CDH13: variants seen among roughly 807,000 people sequenced by gnomAD.
CDH13 encodes the protein cadherin-13.
CDH13 carries 24 observed loss-of-function variants against 63.8 expected under a neutral mutation model. The observed-to-expected ratio is 0.38, with a 90% CI of 0.27 to 0.53. The LOEUF (loss-of-function observed/expected upper bound fraction) is 0.53. CDH13 is among the 20% of genes least tolerant of loss of function. The probability of loss-of-function intolerance (pLI) is 0.85; values close to 1 mark genes in which losing one functional copy is unlikely to be tolerated. For missense variants in CDH13, 1,049 were observed against 903.1 expected (o/e 1.16, Z -2.07); for synonymous variants, 503 against 355.3 (o/e 1.42, Z -4.67).
At chr16:82,817,509 A>T (rs2037779566) in intron 1 of CDH13, among the ~76,000 whole-genome samples, 1 of 152,210 alleles carries the variant, frequency 6.6e-6, no homozygotes, top group Non-Finnish European at 1.5e-5. Context: ...ACACATATAT[A>T]CATACAAATA....
chr16:83,157,545 T>A (rs764290919), intron 4 of CDH13, among the ~76,000 whole-genome samples: 20 of 152,148 alleles, frequency 1.3e-4, no homozygotes, highest in Non-Finnish European at 2.4e-4. Context: ...AGAGCTTTCT[T>A]TTTATGGAAA....
chr16:83,410,603 A>G (rs2092111616), intron 6 of CDH13, among the ~76,000 whole-genome samples: 1 of 152,148 alleles, frequency 6.6e-6, no homozygotes, highest in Admixed American at 6.5e-5. Flanking sequence ...ATGCAATGCT[A>G]TCATAGGATA....
At chr16:83,564,950 TGTTG>T (rs967509672) in intron 7 of CDH13, among the ~76,000 whole-genome samples, 3 of 152,174 alleles carry the variant, frequency 2.0e-5, no homozygotes, top group Non-Finnish European at 4.4e-5. Flanking sequence ...TTTGTTTGTT[TGTTG>T]TTTTCAGTTA....
intron 5 of CDH13, among the ~76,000 whole-genome samples, chr16:83,286,255 T>C (rs907795862): frequency 2.6e-5 from 4 of 152,218 alleles, no homozygotes; most frequent in African/African-American, 7.2e-5. Context: ...CTCTGCACGA[T>C]GCCAGTTGCA....
At chr16:83,085,232 C>T (rs910317928) in intron 3 of CDH13, among the ~76,000 whole-genome samples, 3 of 151,924 alleles carry the variant, frequency 2.0e-5, no homozygotes, top group Admixed American at 1.3e-4. Flanking sequence ...GAGAAAGAAG[C>T]AAAAGCAGAA....
intron 1 of CDH13, among the ~76,000 whole-genome samples, chr16:82,777,798 T>C (rs1006917003): frequency 1.3e-5 from 2 of 152,126 alleles, no homozygotes; most frequent in Non-Finnish European, 2.9e-5. Flanking sequence ...GATTCTGCTT[T>C]TTCAGGCTGC....
chr16:82,743,955 C>T (rs1278353061), intron 1 of CDH13, among the ~76,000 whole-genome samples: 1 of 152,088 alleles, frequency 6.6e-6, no homozygotes, highest in Non-Finnish European at 1.5e-5. Flanking sequence ...TATTAGGCAC[C>T]TACTATATAC....
chr16:82,961,539 C>T (rs559726159), intron 2 of CDH13, among the ~76,000 whole-genome samples: 2 of 138,464 alleles, frequency 1.4e-5, no homozygotes, highest in South Asian at 2.4e-4. Flanking sequence ...CAGCAATTCA[C>T]AGTCTTTTGT....
At chr16:82,832,795 C>A (rs577127196) in intron 1 of CDH13, among the ~76,000 whole-genome samples, 5 of 152,140 alleles carry the variant, frequency 3.3e-5, no homozygotes, top group African/African-American at 9.7e-5. Context: ...AAGATAATGA[C>A]CTTCTTGAGC....
At chr16:83,195,081 T>C (rs1170999565) in intron 4 of CDH13, among the ~76,000 whole-genome samples, 2 of 152,224 alleles carry the variant, frequency 1.3e-5, no homozygotes, top group African/African-American at 2.4e-5. Context: ...TAAGGAATAA[T>C]GTAAAATGTG....
chr16:82,733,370 T>C (rs956303940), intron 1 of CDH13, among the ~76,000 whole-genome samples: 1 of 131,418 alleles, frequency 7.6e-6, no homozygotes, highest in African/African-American at 2.6e-5. Flanking sequence ...ATTTTTGCTA[T>C]GTAAAAAAAA....
intron 9 of CDH13, among the ~76,000 whole-genome samples, chr16:83,674,428 C>G (rs1914780712): frequency 6.6e-6 from 1 of 152,238 alleles, no homozygotes; most frequent in African/African-American, 2.4e-5. Context: ...ACCCTCTCCT[C>G]TTATCGGGGC....
At chr16:83,017,257 G>A (rs1914898085) in intron 2 of CDH13, among the ~76,000 whole-genome samples, 1 of 152,150 alleles carries the variant, frequency 6.6e-6, no homozygotes, top group South Asian at 2.1e-4. Context: ...TCTGGCATCT[G>A]CTGTCTGGAT....
intron 10 of CDH13, among the ~76,000 whole-genome samples, chr16:83,693,786 A>G (rs918351772): frequency 4.6e-5 from 7 of 152,246 alleles, no homozygotes; most frequent in Non-Finnish European, 1.0e-4. Context: ...TTCTGCTAGT[A>G]AAACTGTTCC....
At chr16:83,020,979 C>T (rs1915295084) in intron 2 of CDH13, among the ~76,000 whole-genome samples, 1 of 152,200 alleles carries the variant, frequency 6.6e-6, no homozygotes, top group South Asian at 2.1e-4. Context: ...CCTTGAGATG[C>T]ACATTCAGAA....
At chr16:83,198,053 G>A (rs1474096921) in intron 4 of CDH13, among the ~76,000 whole-genome samples, 1 of 152,014 alleles carries the variant, frequency 6.6e-6, no homozygotes, top group African/African-American at 2.4e-5. Flanking sequence ...AGACTAGAAA[G>A]GATTTATCGA....
intron 1 of CDH13, among the ~76,000 whole-genome samples, chr16:82,651,635 A>G (rs1017840995): frequency 3.3e-5 from 5 of 152,234 alleles, no homozygotes; most frequent in African/African-American, 1.2e-4. Context: ...TCCACTTTAC[A>G]GTGAGGAGAC....
At chr16:83,411,350 C>A (rs1567654167) in intron 6 of CDH13, among the ~76,000 whole-genome samples, 1 of 152,158 alleles carries the variant, frequency 6.6e-6, no homozygotes, top group South Asian at 2.1e-4. Context: ...TCTTTTGAAG[C>A]ATTTACCATC....
chr16:83,616,122 A>G (rs1345106562), intron 8 of CDH13, among the ~76,000 whole-genome samples: 1 of 152,222 alleles, frequency 6.6e-6, no homozygotes, highest in Non-Finnish European at 1.5e-5. Context: ...GTTCCAACTA[A>G]GGAAAAGGGT....
Sources: allele counts gnomAD v4.1 joint callset (sites outside exome capture counted in the v4.1 genomes callset), GRCh38; gene constraint gnomAD v4.1.1; transcripts MANE v1.5; gene names NCBI Gene and HGNC (gene_info 2026-07-23, HGNC 2026-07-21).